EIF2AK2: variants seen among roughly 807,000 people sequenced by gnomAD.
EIF2AK2 encodes the protein eukaryotic translation initiation factor 2 alpha kinase 2.
EIF2AK2 carries 40 observed loss-of-function variants against 70.5 expected under a neutral mutation model. That is an observed-to-expected ratio of 0.57 (90% CI 0.44 to 0.74). The LOEUF (loss-of-function observed/expected upper bound fraction) is 0.74, where lower values mean the gene tolerates loss of function less well. Among genes scored for constraint, EIF2AK2 ranks in the 30% least tolerant of loss-of-function variants. The pLI is 0.00. For synonymous variants in EIF2AK2, 198 were observed against 220.9 expected (o/e 0.90, Z 0.92); for missense variants, 555 against 644.3 (o/e 0.86, Z 1.50).
chr2:37,143,364 C>T (rs761366311), intron 4 of EIF2AK2, among the ~76,000 whole-genome samples: 1 of 151,836 alleles, frequency 6.6e-6, no homozygotes, highest in Non-Finnish European at 1.5e-5. Flanking sequence ...TCATTTTCTT[C>T]TGCACTATTT....
At chr2:37,121,733 C>T (rs1480992333) in intron 12 of EIF2AK2, among the ~76,000 whole-genome samples, 1 of 150,286 alleles carries the variant, frequency 6.7e-6, no homozygotes, top group Non-Finnish European at 1.5e-5. Flanking sequence ...GAAGAGGTAG[C>T]CAAGAATTTG....
rs1027999614 is a variant in EIF2AK2 at position 37,148,848 on chromosome 2, C to T, written c.-17+9G>A. 2.4e-6 allele frequency: 2 copies of T among 843,614 alleles called. No individual in the cohort carries two copies. Among genetic ancestry groups the T allele is most frequent in the Admixed American group, 1.7e-5 (1 of 58,460 alleles). 52.3% of individuals were successfully genotyped at this position (843,614 alleles called of 1,614,324 possible). A position where few individuals can be genotyped will look rare whatever the true frequency, so the allele number is the denominator to read the frequency against. ...TTTCTGAGTGCAAAATTCGGAAGAC[C>T]GCTTGTACCTGGTTGGAAGCTTTGT... On this transcript the variant is annotated intron_variant, in intron 2 of 16. Transcript: ENST00000233057.
intron 10 of EIF2AK2, among the ~76,000 whole-genome samples, chr2:37,131,006 G>A (rs536963788): frequency 3.5e-4 from 54 of 152,266 alleles, no homozygotes; most frequent in African/African-American, 1.3e-3. Context: ...ATGAAAGCAA[G>A]GCATTTAACA....
At chr2:37,129,126 C>T (rs1301993205) in intron 10 of EIF2AK2, among the ~76,000 whole-genome samples, 4 of 151,482 alleles carry the variant, frequency 2.6e-5, no homozygotes, top group East Asian at 3.9e-4. Flanking sequence ...CTCCTAAATG[C>T]GACCTTCCAT....
intron 15 of EIF2AK2, among the ~76,000 whole-genome samples, chr2:37,108,092 G>A (rs1175758203): frequency 1.3e-5 from 2 of 150,592 alleles, no homozygotes; most frequent in East Asian, 3.9e-4. Context: ...GTTACAGTGA[G>A]CCAAGATCGC....
At chr2:37,126,756 AGACCAGCCT>A (rs1173607010) in intron 10 of EIF2AK2, among the ~76,000 whole-genome samples, 4 of 152,086 alleles carry the variant, frequency 2.6e-5, no homozygotes, top group Non-Finnish European at 5.9e-5. Context: ...CAGGAGTTCA[AGACCAGCCT>A]GGCCAACATG....
chr2:37,131,021 C>T (rs1674921086), intron 10 of EIF2AK2, among the ~76,000 whole-genome samples: 1 of 152,128 alleles, frequency 6.6e-6, no homozygotes, highest in Non-Finnish European at 1.5e-5. Flanking sequence ...TTAACAAGTC[C>T]CATTTCCTAA....
intron 2 of EIF2AK2, 135 bp from the exon 3 acceptor site, chr2:37,147,957 A>C (rs890537675): frequency 5.8e-5 from 30 of 513,436 alleles, no homozygotes; most frequent in African/African-American, 3.6e-4. Flanking sequence ...ACATAAATGC[A>C]GAGACTTTCT....
chr2:37,129,637 C>A (rs1051642559), intron 10 of EIF2AK2, among the ~76,000 whole-genome samples: 1 of 152,084 alleles, frequency 6.6e-6, no homozygotes, highest in African/African-American at 2.4e-5. Context: ...AATACCAAGG[C>A]CCATTAGAAT....
intron 5 of EIF2AK2, among the ~76,000 whole-genome samples, chr2:37,140,607 C>T (rs560343157): frequency 1.3e-5 from 2 of 151,726 alleles, no homozygotes; most frequent in African/African-American, 2.4e-5. Flanking sequence ...ACTGCCCCCC[C>T]CCGCAAACAG....
chr2:37,119,781 A>G (rs898612431), intron 13 of EIF2AK2, among the ~76,000 whole-genome samples, 178 bp downstream of exon 13: 9 of 151,592 alleles, frequency 5.9e-5, no homozygotes. Context: ...TAGTAGAGAC[A>G]CGGTTTCACC....
chr2:37,118,796 T>C (rs1396973029), intron 13 of EIF2AK2, among the ~76,000 whole-genome samples: 1 of 152,238 alleles, frequency 6.6e-6, no homozygotes, highest in Non-Finnish European at 1.5e-5. Context: ...GGGCTACTCA[T>C]TCCTCTCTGA....
chr2:37,144,589 CTTT>C (rs199752511), intron 4 of EIF2AK2, among the ~76,000 whole-genome samples: 1 of 144,452 alleles, frequency 6.9e-6, no homozygotes. Context: ...TTTTTTCTTT[CTTT>C]TTTTTTTTTG....
At chr2:37,152,658 C>G (rs1377435284) in intron 1 of EIF2AK2, among the ~76,000 whole-genome samples, 1 of 152,192 alleles carries the variant, frequency 6.6e-6, no homozygotes, top group Non-Finnish European at 1.5e-5. Context: ...TCTCTTCACT[C>G]TATACTTTCT....
chr2:37,121,720 C>T (rs1429772719), intron 12 of EIF2AK2, among the ~76,000 whole-genome samples: 2 of 144,968 alleles, frequency 1.4e-5, no homozygotes, highest in Non-Finnish European at 3.0e-5. Context: ...AGCTTGAAAA[C>T]AGGAAGAGGT....
intron 10 of EIF2AK2, among the ~76,000 whole-genome samples, chr2:37,134,703 C>T (rs541843290): frequency 6.6e-6 from 1 of 152,238 alleles, no homozygotes; most frequent in Non-Finnish European, 1.5e-5. Context: ...AAACACCCAT[C>T]TTTAATTCAC....
intron 13 of EIF2AK2, among the ~76,000 whole-genome samples, chr2:37,119,245 C>T (rs1674448868): frequency 6.6e-6 from 1 of 152,208 alleles, no homozygotes; most frequent in African/African-American, 2.4e-5. Flanking sequence ...GATACACTTT[C>T]CCAGTCCGGG....
chr2:37,128,041 C>A (rs1674805276), intron 10 of EIF2AK2, among the ~76,000 whole-genome samples: 1 of 152,150 alleles, frequency 6.6e-6, no homozygotes, highest in Non-Finnish European at 1.5e-5. Flanking sequence ...TGTGCTTGGC[C>A]TGTTCATGTA....
chr2:37,134,511 C>G (rs1450087999), intron 10 of EIF2AK2, among the ~76,000 whole-genome samples: 1 of 152,210 alleles, frequency 6.6e-6, no homozygotes, highest in African/African-American at 2.4e-5. Flanking sequence ...CAACCAATGC[C>G]TCTGGCCTAA....
Sources: gnomAD v4.1 joint callset for allele counts (sites outside exome capture counted in the v4.1 genomes callset) on GRCh38, gnomAD v4.1.1 for gene constraint, MANE v1.5 for transcripts, NCBI Gene and HGNC (gene_info 2026-07-23, HGNC 2026-07-21) for gene names.